The following CPS1 variants were observed in gnomAD, a reference collection of about 807,000 sequenced individuals.
CPS1 encodes carbamoyl-phosphate synthase [ammonia], mitochondrial.
In CPS1, 109 loss-of-function variants were observed where a neutral mutation model predicts 174.6. The observed-to-expected ratio is 0.62, with a 90% CI of 0.53 to 0.73. CPS1 has a LOEUF of 0.73. Ranked by LOEUF, CPS1 falls within the 30% of genes least tolerant of loss-of-function variation. CPS1 has a pLI of 0.00. For missense variants in CPS1, 1,689 were observed against 1,821.9 expected (o/e 0.93, Z 1.33); for synonymous variants, 637 against 632.0 (o/e 1.01, Z -0.12).
chr2:210,598,071 AATACAAGGGGG>A, intron 13 of CPS1, among the ~76,000 whole-genome samples: 1 of 151,656 alleles, frequency 6.6e-6, no homozygotes, highest in East Asian at 2.0e-4. Flanking sequence ...TAGACAAATA[AATACAAGGGGG>A]AGCAGCTTTT....
rs748518911 is a variant in CPS1 at position 210,595,532 on chromosome 2, C to T, written c.1309C>T (p.Gln437Ter). The change falls in exon 13 of 38, where the codon CAG (glutamine) becomes TAG (stop). Residue 437 changes from glutamine to a stop codon, truncating the protein, a stop_gained. Transcript: ENST00000233072. LOFTEE classifies it high-confidence loss of function. ...ILGSGGLSIG[Q>*]AGEFDYSGSQ... ...AGGATCAGGAGGTCTGTCCATTGGT[C>T]AGGCTGGAGAATTTGATTACTCAGG... The T allele has an allele frequency of 6.2e-7, 1 of 1,611,560 alleles. No individual in the cohort carries two copies. Among genetic ancestry groups the T allele is most frequent in the South Asian group, 1.1e-5 (1 of 91,010 alleles).
chr2:210,634,381 G>C (rs1402453920), intron 21 of CPS1, among the ~76,000 whole-genome samples: 1 of 152,214 alleles, frequency 6.6e-6, no homozygotes, highest in African/African-American at 2.4e-5. Context: ...AGTGAGCCGA[G>C]ATCTTGCTAC....
At chr2:210,592,832 C>A (rs1379292807) in intron 10 of CPS1, 47 bp from the exon 11 acceptor site, 2 of 1,516,442 alleles carry the variant, frequency 1.3e-6, no homozygotes, top group Non-Finnish European at 1.8e-6. Flanking sequence ...CCACACTTGA[C>A]ATTCATTGTT....
chr2:210,522,842 A>AGG (rs1559060869), intron 1 of CPS1, among the ~76,000 whole-genome samples: 1 of 152,018 alleles, frequency 6.6e-6, no homozygotes, highest in East Asian at 1.9e-4. Flanking sequence ...TCTTATGAGC[A>AGG]GGTAAAAGTA....
intron 21 of CPS1, among the ~76,000 whole-genome samples, chr2:210,626,406 T>C (rs1029026527): frequency 6.6e-6 from 1 of 152,080 alleles, no homozygotes; most frequent in African/African-American, 2.4e-5. Flanking sequence ...AGGGATTGAA[T>C]TCACAAAATT....
At chr2:210,536,034 A>G (rs189247578) in intron 1 of CPS1, among the ~76,000 whole-genome samples, 13 of 152,210 alleles carry the variant, frequency 8.5e-5, no homozygotes, top group Admixed American at 8.5e-4. Flanking sequence ...CACTCAGCTC[A>G]TAAGTGACAA....
At chr2:210,548,018 G>A (rs1483339136) in intron 1 of CPS1, among the ~76,000 whole-genome samples, 1 of 152,006 alleles carries the variant, frequency 6.6e-6, no homozygotes, top group Non-Finnish European at 1.5e-5. Context: ...TAGAAAAACA[G>A]ACATTTATGG....
At chr2:210,564,782 C>G (rs1697244529) in intron 1 of CPS1, among the ~76,000 whole-genome samples, 1 of 151,970 alleles carries the variant, frequency 6.6e-6, no homozygotes, top group African/African-American at 2.4e-5. Context: ...CTCTTGAGGT[C>G]AGGAGTTTGA....
rs749366885 is a variant in CPS1, at chr2:210,600,542, G to A, written c.1550-13G>A. 3.1e-6 allele frequency: 5 copies of A among 1,611,012 alleles called. No homozygotes were observed. Among genetic ancestry groups the A allele is most frequent in the Non-Finnish European group, 4.2e-6 (5 of 1,178,232 alleles). On this transcript the variant is annotated splice_polypyrimidine_tract_variant and intron_variant, in intron 14 of 37. Transcript: ENST00000233072. The stretch of plus-strand genomic sequence containing the variant: ...AAGATTTTAAAAACTAATCCTATTT[G>A]GTTCTTCTTTAGGAGTGGAACTATT...
chr2:210,677,778 C>A, intron 37 of CPS1, 109 bp from the exon 38 acceptor site: 2 of 897,404 alleles, frequency 2.2e-6, no homozygotes, highest in Non-Finnish European at 3.8e-6. Context: ...GCCTTTTATC[C>A]CATACCCCTT....
intron 5 of CPS1, among the ~76,000 whole-genome samples, chr2:210,581,373 C>T (rs1247676853): frequency 4.6e-5 from 7 of 152,054 alleles, no homozygotes; most frequent in South Asian, 2.1e-4. Flanking sequence ...TCAAAATTGG[C>T]GGAATAGATT....
intron 21 of CPS1, among the ~76,000 whole-genome samples, chr2:210,635,727 T>C (rs1700025603): frequency 6.6e-6 from 1 of 152,192 alleles, no homozygotes; most frequent in Non-Finnish European, 1.5e-5. Context: ...AATGCATTGC[T>C]CTGAGAGAAT....
chr2:210,577,467 G>A lies in CPS1; in HGVS notation c.428G>A (p.Trp143Ter). 2 of 1,613,858 alleles carry A rather than the reference G, an allele frequency of 1.2e-6. No individual in the cohort carries two copies. Among genetic ancestry groups the A allele is most frequent in the Non-Finnish European group, 1.7e-6 (2 of 1,179,888 alleles). The stretch of plus-strand genomic sequence containing the variant: ...GATTATAGTAAAGACTACAACCACT[G>A]GCTGGCTACCAAGAGTTTAGGGCAA... ...VLDYSKDYNH[W>*]LATKSLGQWL... Residue 143 changes from tryptophan (W) to a stop codon, truncating the protein, a stop_gained, in exon 4 of 38, where the codon TGG (tryptophan) becomes TAG (stop). Coordinates refer to ENST00000233072, the MANE Select transcript of CPS1 (RefSeq NM_001875.5). LOFTEE classifies it high-confidence loss of function.
At chr2:210,630,174 TTTC>T (rs1699825293) in intron 21 of CPS1, among the ~76,000 whole-genome samples, 1 of 152,098 alleles carries the variant, frequency 6.6e-6, no homozygotes, top group African/African-American at 2.4e-5. Context: ...ATTAAGCGTT[TTTC>T]TTCATCATTA....
chr2:210,539,478 G>A (rs1325842812), intron 1 of CPS1, among the ~76,000 whole-genome samples: 1 of 152,136 alleles, frequency 6.6e-6, no homozygotes, highest in Non-Finnish European at 1.5e-5. Context: ...AATCTGGTAA[G>A]TTTTGTCTTG....
At chr2:210,529,158 G>T (rs750390884) in intron 1 of CPS1, among the ~76,000 whole-genome samples, 5 of 151,830 alleles carry the variant, frequency 3.3e-5, no homozygotes, top group African/African-American at 7.3e-5. Context: ...AGCTAATTTT[G>T]TATGTATTTC....
chr2:210,507,980 G>A (rs1195490666), intron 1 of CPS1, among the ~76,000 whole-genome samples: 1 of 150,836 alleles, frequency 6.6e-6, no homozygotes. Flanking sequence ...GAGACAGAAA[G>A]TTAACAAGGA....
chr2:210,579,664 T>A, intron 4 of CPS1, 50 bp from the exon 5 acceptor site: 1 of 1,438,482 alleles, frequency 7.0e-7, no homozygotes, highest in Non-Finnish European at 9.8e-7. Context: ...AACAATATGC[T>A]GGATTTAATC....
rs886474582 is a variant in CPS1, at chr2:210,487,558, T to C, written c.3+9792T>C. Among the ~76,000 whole-genome samples, 8 of 152,324 alleles carry C rather than the reference T, an allele frequency of 5.3e-5. No homozygotes were observed. In the East Asian group the frequency reaches 1.4e-3, roughly 26 times the overall value. Reference sequence around the variant, plus strand: ...AGCATCAGTTGTACATATTAAGGAATGAGGGGTGAGGACTTTGGTGGAAAT... The same window carrying C: ...AGCATCAGTTGTACATATTAAGGAACGAGGGGTGAGGACTTTGGTGGAAAT... On this transcript the variant is annotated intron_variant, in intron 1 of 38. Coordinates refer to the CPS1 transcript ENST00000430249.
Sources: gnomAD v4.1 joint callset for allele counts (sites outside exome capture counted in the v4.1 genomes callset) on GRCh38, gnomAD v4.1.1 for gene constraint, MANE v1.5 for transcripts, NCBI Gene and HGNC (gene_info 2026-07-23, HGNC 2026-07-21) for gene names.